Variants in COPRS observed in about 807,000 individuals in gnomAD.
COPRS encodes cooperator of PRMT5.
In COPRS, 11 loss-of-function variants were observed where a neutral mutation model predicts 19.9. That is an observed-to-expected ratio of 0.55 (90% CI 0.35 to 0.92). COPRS has a LOEUF of 0.92. Among genes scored for constraint, COPRS ranks in the 40% least tolerant of loss-of-function variants. The pLI is 0.01. For missense variants in COPRS, 225 were observed against 229.9 expected (o/e 0.98, Z 0.14); for synonymous variants, 81 against 82.7 (o/e 0.98, Z 0.11).
intron 2 of COPRS, among the ~76,000 whole-genome samples, chr17:31,855,590 G>A (rs1909317246): frequency 1.3e-5 from 2 of 152,066 alleles, no homozygotes; most frequent in African/African-American, 4.8e-5. Flanking sequence ...GGAGGCTGAG[G>A]CACGAGAATC....
At chr17:31,859,055 C>A in intron 1 of COPRS, 46 bp downstream of exon 1, 5 of 1,154,836 alleles carry the variant, frequency 4.3e-6, no homozygotes, top group Non-Finnish European at 5.3e-6. Context: ...ACTTCCCGCC[C>A]CAGGCTGCGG....
chr17:31,856,289 C>T (rs552975992), intron 2 of COPRS, among the ~76,000 whole-genome samples: 6 of 151,760 alleles, frequency 4.0e-5, no homozygotes, highest in South Asian at 2.1e-4. Context: ...GAGCTGACAT[C>T]GTGCCACTGT....
chr17:31,857,499 A>G (rs1032782425), intron 1 of COPRS, among the ~76,000 whole-genome samples: 2 of 152,192 alleles, frequency 1.3e-5, no homozygotes, highest in African/African-American at 4.8e-5. Context: ...TTCCTCTGCA[A>G]TGCTGAGCAC....
At position 31,856,791 on chromosome 17, in the gene COPRS, C is replaced by A. The variant is rs1231094695; in HGVS notation, c.166+8G>T. 1 of 1,578,652 alleles carries A rather than the reference C, an allele frequency of 6.3e-7. No individual in the cohort carries two copies. Among genetic ancestry groups the A allele is most frequent in the Middle Eastern group, 1.7e-4 (1 of 5,988 alleles). ...TCTCCCCAACTTCCGTCTCTGCCAT[C>A]TACTTGCCTAGTCGATCCATAGCCT... On this transcript the variant is annotated splice_region_variant and intron_variant, in intron 2 of 3. Coordinates refer to ENST00000302362, the MANE Select transcript of COPRS (RefSeq NM_018405.4).
intron 2 of COPRS, 45 bp from the exon 3 acceptor site, chr17:31,853,075 G>A: frequency 3.5e-6 from 5 of 1,414,410 alleles, no homozygotes; most frequent in Non-Finnish European, 5.0e-6. Context: ...AACCAAAGAG[G>A]ACCTGCTCTG....
rs773669721 is a variant in COPRS at position 31,852,991 on chromosome 17, C to T, written c.206G>A (p.Arg69Gln). The change falls in exon 3 of 4, where the codon CGG becomes CAG. Residue 69 changes from arginine (R) to glutamine (Q), a missense_variant. Transcript: ENST00000302362. ...TQSIPNDSPARGEGTHSEEEG... is the reference protein window; with the variant it reads ...TQSIPNDSPAQGEGTHSEEEG... ...CTCTTCAGAATGGGTGCCCTCACCC[C>T]GGGCAGGACTGTCATTAGGAATGCT... 11 of 1,613,972 alleles carry T rather than the reference C, an allele frequency of 6.8e-6. No homozygotes were observed. The highest frequency in any genetic ancestry group is 9.3e-6 in the Non-Finnish European group (11 of 1,179,866).
At chr17:31,853,412 G>A (rs749156337) in intron 2 of COPRS, among the ~76,000 whole-genome samples, 41 of 145,930 alleles carry the variant, frequency 2.8e-4, no homozygotes, top group Non-Finnish European at 4.8e-4. Flanking sequence ...ACAGAGTCTC[G>A]CTCTGTCGCC....
chr17:31,856,474 G>GA (rs961971217), intron 2 of COPRS: 27 of 350,872 alleles, frequency 7.7e-5, no homozygotes, highest in East Asian at 1.6e-4. Flanking sequence ...TATATAGGAG[G>GA]AAAAAAAAGC....
intron 3 of COPRS, among the ~76,000 whole-genome samples, chr17:31,852,554 G>A (rs1567768535): frequency 6.6e-6 from 1 of 152,184 alleles, no homozygotes; most frequent in East Asian, 1.9e-4. Context: ...ACTTCTATCT[G>A]CAGCTGCTCA....
Position 31,852,989 on chromosome 17 carries a change from C to T in COPRS, c.208G>A (p.Gly70Ser), listed in dbSNP as rs533596508. Residue 70 changes from glycine to serine, a missense_variant, in exon 3 of 4, where the codon GGT becomes AGT. Gly to Ser is a moderately conservative substitution (Grantham distance 56). Around this residue, in one of 3 missense-constraint regions of COPRS, gnomAD observed 170 missense variants for 171.4 expected, o/e 0.99. Coordinates refer to ENST00000302362, the MANE Select transcript of COPRS (RefSeq NM_018405.4). ...QSIPNDSPARGEGTHSEEEGF... is the reference protein window; with the variant it reads ...QSIPNDSPARSEGTHSEEEGF... ...TCCTCTTCAGAATGGGTGCCCTCACCCCGGGCAGGACTGTCATTAGGAATG... is the reference window on the plus strand; with the variant it reads ...TCCTCTTCAGAATGGGTGCCCTCACTCCGGGCAGGACTGTCATTAGGAATG... 1.6e-5 allele frequency: 26 copies of T among 1,614,126 alleles called. No homozygotes were observed. In the South Asian group the frequency reaches 2.1e-4, roughly 13 times the overall value.
intron 3 of COPRS, 73 bp downstream of exon 3, chr17:31,852,739 C>T (rs1567768583): frequency 6.5e-6 from 7 of 1,069,870 alleles, no homozygotes; most frequent in Non-Finnish European, 8.8e-6. Flanking sequence ...CTGTTCCAAA[C>T]TGCCTTCAGG....
At chr17:31,856,054 C>T (rs1909340864) in intron 2 of COPRS, among the ~76,000 whole-genome samples, 1 of 150,490 alleles carries the variant, frequency 6.6e-6, no homozygotes, top group Admixed American at 6.6e-5. Context: ...GTAATCCCAG[C>T]ACTTTGGGAG....
At chr17:31,857,544 C>T (rs1249958583) in intron 1 of COPRS, among the ~76,000 whole-genome samples, 1 of 152,180 alleles carries the variant, frequency 6.6e-6, no homozygotes, top group Non-Finnish European at 1.5e-5. Context: ...TGAAAATCTT[C>T]CCGCACAGCC....
chr17:31,855,142 G>A (rs1005264152), intron 2 of COPRS, among the ~76,000 whole-genome samples: 3 of 151,708 alleles, frequency 2.0e-5, no homozygotes, highest in South Asian at 2.1e-4. Flanking sequence ...TTGGGAGGCC[G>A]AGGTGGGCGG....
rs547913471 is a variant in COPRS, at chr17:31,852,674, C to G, written c.385+138G>C. ...TTTTTCAATATAAAAGAGAAGGTGTCACAGAAATTGGAGACCTGTAACAGA... is the reference window on the plus strand; with the variant it reads ...TTTTTCAATATAAAAGAGAAGGTGTGACAGAAATTGGAGACCTGTAACAGA... On this transcript the variant is annotated intron_variant, in intron 3 of 3. Coordinates refer to ENST00000302362, the MANE Select transcript of COPRS (RefSeq NM_018405.4). The G allele has an allele frequency of 6.9e-6, 5 of 725,026 alleles. No individual in the cohort carries two copies. In the African/African-American group the frequency reaches 7.1e-5, roughly 10 times the overall value. 44.9% of individuals were successfully genotyped at this position (725,026 alleles called of 1,614,324 possible). A position where few individuals can be genotyped will look rare whatever the true frequency, so the allele number is the denominator to read the frequency against.
intron 2 of COPRS, 166 bp downstream of exon 2, chr17:31,856,633 G>A (rs770838347): frequency 1.5e-5 from 9 of 608,540 alleles, no homozygotes; most frequent in South Asian, 1.2e-4. Context: ...CTTCCCTTAA[G>A]GAAGCTCCAA....
intron 2 of COPRS, among the ~76,000 whole-genome samples, chr17:31,854,188 G>T (rs1173460716): frequency 6.6e-6 from 1 of 151,692 alleles, no homozygotes; most frequent in Non-Finnish European, 1.5e-5. Flanking sequence ...GAACAATGTC[G>T]CAAACCCTGT....
intron 1 of COPRS, chr17:31,858,756 ACCTGGCCCTCG>A: frequency 6.5e-7 from 1 of 1,550,348 alleles, no homozygotes; most frequent in Non-Finnish European, 8.7e-7. Context: ...CGCCGCCCTC[ACCTGGCCCTCG>A]CCCAGGCTCC....
chr17:31,858,546 G>A (rs9906443), intron 1 of COPRS: 337,310 of 408,638 alleles, frequency 0.83, 140,345 homozygotes, highest in Non-Finnish European at 0.85. Context: ...TGTAATAACG[G>A]TCTGTAACGT....
Sources: allele counts gnomAD v4.1 joint callset (sites outside exome capture counted in the v4.1 genomes callset), GRCh38; gene constraint gnomAD v4.1.1; regional missense constraint gnomAD v4.1.1; transcripts MANE v1.5; gene names NCBI Gene and HGNC (gene_info 2026-07-23, HGNC 2026-07-21).